CPPED1: variants seen among roughly 807,000 people sequenced by gnomAD.
The protein encoded by CPPED1 is calcineurin like phosphoesterase domain containing 1.
CPPED1 carries 28 observed loss-of-function variants against 28.0 expected under a neutral mutation model. That is an observed-to-expected ratio of 1.00 (90% CI 0.74 to 1.37). The LOEUF (loss-of-function observed/expected upper bound fraction) is 1.37. Ranked by LOEUF, CPPED1 falls within the 40% of genes most tolerant of loss-of-function variation. The probability of loss-of-function intolerance (pLI) is 0.00; values close to 1 mark genes in which losing one functional copy is unlikely to be tolerated. For synonymous variants in CPPED1, 198 were observed against 180.2 expected, an observed-to-expected ratio of 1.10 and a Z score of -0.79; for missense variants, 504 against 416.5, an observed-to-expected ratio of 1.21 and a Z score of -1.83.
rs755255342 is a variant in CPPED1 at position 12,803,712 on chromosome 16, G to A, written c.65C>T (p.Pro22Leu). 4.4e-6 allele frequency: 7 copies of A among 1,579,176 alleles called. No individual in the cohort carries two copies. The South Asian group carries it at 8.1e-5, about 18-fold the overall frequency. ...GGGTGAGGGGCGGGCAGTACCTGCGGGAAACGCGGCCAGGGTCCTGCCCCT... is the reference window on the plus strand; with the variant it reads ...GGGTGAGGGGCGGGCAGTACCTGCGAGAAACGCGGCCAGGGTCCTGCCCCT... ...RARGRTLAAF[P>L]AEKESEWKGP... Residue 22 changes from proline (P) to leucine (L), a missense_variant, in exon 1 of 4, where the codon CCC (proline) becomes CTC (leucine). By Grantham distance (98) the Pro-to-Leu change is moderately conservative. Transcript: ENST00000381774.
rs556905382 is a variant in CPPED1, at chr16:12,738,131, G to C, written c.290-33082C>G. Reference sequence around the variant, plus strand: ...GGGAGATAATCCGAATGTGCATCACGAGAAGAGCAGCCCAGTAAAGGATTG... The same window carrying C: ...GGGAGATAATCCGAATGTGCATCACCAGAAGAGCAGCCCAGTAAAGGATTG... On this transcript the variant is annotated intron_variant, in intron 2 of 3. Coordinates refer to ENST00000381774, the MANE Select transcript of CPPED1 (RefSeq NM_018340.3). Among the ~76,000 whole-genome samples the C allele has an allele frequency of 3.9e-5, 6 of 152,266 alleles. No homozygotes were observed. The South Asian group carries it at 1.2e-3, about 32-fold the overall frequency.
intron 2 of CPPED1, among the ~76,000 whole-genome samples, chr16:12,744,934 C>A (rs185740804): frequency 6.6e-6 from 1 of 152,294 alleles, no homozygotes; most frequent in African/African-American, 2.4e-5. Context: ...TTGCAGTGAG[C>A]TGAGATCACA....
intron 1 of CPPED1, among the ~76,000 whole-genome samples, chr16:12,788,822 C>A (rs1293051760): frequency 2.0e-5 from 3 of 152,144 alleles, no homozygotes; most frequent in African/African-American, 7.2e-5. Context: ...ATGGGCTGTA[C>A]ACAAAGACAA....
chr16:12,730,262 A>G (rs917553177), intron 2 of CPPED1, among the ~76,000 whole-genome samples: 1 of 152,158 alleles, frequency 6.6e-6, no homozygotes, highest in Non-Finnish European at 1.5e-5. Flanking sequence ...TTGGCCTCCC[A>G]AAGTGTTCGG....
chr16:12,766,093 G>T (rs977054197), intron 2 of CPPED1, among the ~76,000 whole-genome samples: 11 of 151,928 alleles, frequency 7.2e-5, no homozygotes, highest in Non-Finnish European at 1.0e-4. Context: ...ATGTTGATTT[G>T]CCAGGGGATT....
chr16:12,802,374 G>A (rs553882355), intron 1 of CPPED1, among the ~76,000 whole-genome samples: 1 of 152,280 alleles, frequency 6.6e-6, no homozygotes, highest in East Asian at 1.9e-4. Flanking sequence ...GGCTGAGGAC[G>A]GCGGATCACC....
At chr16:12,785,400 C>T (rs769887146) in intron 1 of CPPED1, among the ~76,000 whole-genome samples, 3 of 151,808 alleles carry the variant, frequency 2.0e-5, no homozygotes, top group Non-Finnish European at 2.9e-5. Flanking sequence ...CAGGCATGAG[C>T]CACCACACCC....
At chr16:12,742,043 G>A (rs1035729573) in intron 2 of CPPED1, among the ~76,000 whole-genome samples, 3 of 151,946 alleles carry the variant, frequency 2.0e-5, no homozygotes, top group Non-Finnish European at 2.9e-5. Flanking sequence ...TCCAGCCTAG[G>A]TGACAGAACA....
chr16:12,678,687 T>C (rs750736198), intron 3 of CPPED1, among the ~76,000 whole-genome samples: 5 of 152,230 alleles, frequency 3.3e-5, no homozygotes, highest in African/African-American at 1.2e-4. Flanking sequence ...CACTTAACAA[T>C]TGCTTGCTGA....
chr16:12,759,608 G>A (rs921775567), intron 2 of CPPED1, among the ~76,000 whole-genome samples: 1 of 152,236 alleles, frequency 6.6e-6, no homozygotes, highest in Non-Finnish European at 1.5e-5. Flanking sequence ...ACCCCCGTGT[G>A]TCAAGGGAGG....
At chr16:12,711,917 C>G (rs2080082109) in intron 2 of CPPED1, among the ~76,000 whole-genome samples, 1 of 152,130 alleles carries the variant, frequency 6.6e-6, no homozygotes, top group Non-Finnish European at 1.5e-5. Flanking sequence ...TAACAGCCCC[C>G]TACCCAGGGA....
intron 2 of CPPED1, among the ~76,000 whole-genome samples, chr16:12,727,035 A>G (rs1380686950): frequency 6.6e-6 from 1 of 152,134 alleles, no homozygotes; most frequent in Non-Finnish European, 1.5e-5. Context: ...CCATCCTCAC[A>G]GCACCTGTCA....
intron 1 of CPPED1, among the ~76,000 whole-genome samples, chr16:12,785,671 GC>G (rs1004774391): frequency 6.6e-6 from 1 of 151,326 alleles, no homozygotes; most frequent in African/African-American, 2.4e-5. Context: ...CAAATGATCT[GC>G]CCGCCTTGGC....
intron 1 of CPPED1, among the ~76,000 whole-genome samples, chr16:12,787,624 T>G (rs965628033): frequency 1.3e-5 from 2 of 151,964 alleles, no homozygotes; most frequent in South Asian, 2.1e-4. Context: ...CCAGGCTGGT[T>G]TTGAACTCCT....
intron 2 of CPPED1, among the ~76,000 whole-genome samples, chr16:12,708,062 G>T (rs191499067): frequency 2.0e-5 from 3 of 152,238 alleles, no homozygotes; most frequent in African/African-American, 7.2e-5. Flanking sequence ...CAGGAGAATC[G>T]CTTGAACCCG....
In CPPED1 at chr16:12,661,178, G is replaced by C. The variant is rs2079792022; in HGVS notation, c.*3708C>G. The C allele has an allele frequency of 6.6e-6, 1 of 152,168 alleles. No individual in the cohort carries two copies. Among genetic ancestry groups the C allele is most frequent in the Non-Finnish European group, 1.5e-5 (1 of 68,040 alleles). The allele number at this position is 152,168 out of a possible 1,614,324, so 9.4% of individuals were successfully genotyped here. On this transcript the variant is annotated 3_prime_UTR_variant, in exon 4 of 4. Transcript: ENST00000381774. Reference sequence around the variant, plus strand: ...CCTTTTCTCAAAAGATTCTGCATTGGAATACAGACTGTAATATTAAACTAC... The same window carrying C: ...CCTTTTCTCAAAAGATTCTGCATTGCAATACAGACTGTAATATTAAACTAC...
intron 2 of CPPED1, among the ~76,000 whole-genome samples, chr16:12,720,591 G>A (rs1256530980): frequency 2.0e-5 from 3 of 152,154 alleles, no homozygotes; most frequent in East Asian, 1.9e-4. Flanking sequence ...GGATTCAAGC[G>A]ATTCTCCTGA....
At chr16:12,696,400 G>A (rs1336255521) in intron 3 of CPPED1, among the ~76,000 whole-genome samples, 1 of 151,232 alleles carries the variant, frequency 6.6e-6, no homozygotes, top group Non-Finnish European at 1.5e-5. Flanking sequence ...CCCTTAGTGA[G>A]TGCTCACTAT....
chr16:12,665,159 T>C (rs765982658), intron 3 of CPPED1, 44 bp from the exon 4 acceptor site: 2 of 1,565,088 alleles, frequency 1.3e-6, no homozygotes, highest in Non-Finnish European at 1.7e-6. Flanking sequence ...AGGACTTCCA[T>C]TAGGTAACCT....
Sources: allele counts gnomAD v4.1 joint callset (sites outside exome capture counted in the v4.1 genomes callset), GRCh38; gene constraint gnomAD v4.1.1; transcripts MANE v1.5; gene names NCBI Gene and HGNC (gene_info 2026-07-23, HGNC 2026-07-21).